The following SLC2A13 variants were observed in gnomAD, a reference collection of about 807,000 sequenced individuals.
The protein encoded by SLC2A13 is solute carrier family 2 member 13, also known as proton myo-inositol cotransporter.
A neutral mutation model predicts 64.4 loss-of-function variants in SLC2A13; 32 were observed. The observed-to-expected ratio is 0.50, with a 90% CI of 0.37 to 0.67. The LOEUF (loss-of-function observed/expected upper bound fraction) is 0.67. Ranked by LOEUF, SLC2A13 falls within the 30% of genes least tolerant of loss-of-function variation. SLC2A13 has a pLI of 0.00. For synonymous variants in SLC2A13, 338 were observed against 327.1 expected (o/e 1.03, Z -0.36); for missense variants, 743 against 829.2 (o/e 0.90, Z 1.28).
At chr12:40,093,758 G>T (rs2136299655) in intron 1 of SLC2A13, among the ~76,000 whole-genome samples, 1 of 152,120 alleles carries the variant, frequency 6.6e-6, no homozygotes, top group South Asian at 2.1e-4. Context: ...CTAGAGGCGG[G>T]GTCAGCTGGA....
chr12:39,846,197 A>G (rs544414152), intron 6 of SLC2A13, among the ~76,000 whole-genome samples: 1 of 152,266 alleles, frequency 6.6e-6, no homozygotes, highest in South Asian at 2.1e-4. Flanking sequence ...AGAAAAACCA[A>G]GGTGGTGAAT....
At chr12:39,766,312 A>G (rs1474153341) in intron 7 of SLC2A13, among the ~76,000 whole-genome samples, 1 of 152,132 alleles carries the variant, frequency 6.6e-6, no homozygotes. Context: ...TTGGTTTCCC[A>G]CTACATATAA....
intron 7 of SLC2A13, among the ~76,000 whole-genome samples, chr12:39,779,064 G>T (rs1192661882): frequency 2.0e-5 from 3 of 152,200 alleles, no homozygotes; most frequent in African/African-American, 7.2e-5. Flanking sequence ...CCCCCAGGAA[G>T]AGTCATCCCT....
chr12:39,926,041 T>G (rs71449744), intron 4 of SLC2A13, among the ~76,000 whole-genome samples: 16,123 of 152,178 alleles, frequency 0.11, 928 homozygotes, highest in Non-Finnish European at 0.14. Flanking sequence ...GGGCACGAAT[T>G]TGGTAAGCTT....
chr12:40,105,347 G>A lies in SLC2A13; in HGVS notation c.462C>T (p.Ala154=). 6.3e-7 allele frequency: 1 copy of A among 1,593,032 alleles called. No homozygotes were observed. The highest frequency in any genetic ancestry group is 8.5e-7 in the Non-Finnish European group (1 of 1,171,102). ...CGGAGCCGGCGGTGAAGAGGGCACTGGCCAGGAGGATGGCAGCGCGGCGGC... is the reference window on the plus strand; with the variant it reads ...CGGAGCCGGCGGTGAAGAGGGCACTAGCCAGGAGGATGGCAGCGCGGCGGC... ...VFGRRAAILL[A]SALFTAGSAV... Residue 154 remains alanine (A), a synonymous_variant, in exon 1 of 10, where the codon GCC becomes GCT. Coordinates refer to ENST00000280871, the MANE Select transcript of SLC2A13 (RefSeq NM_052885.4). This position sits in a 1 kb window ranked among gnomAD's most constrained non-coding sequence, Gnocchi z 4.2.
At chr12:40,022,699 G>A (rs181124809) in intron 3 of SLC2A13, among the ~76,000 whole-genome samples, 51 of 152,254 alleles carry the variant, frequency 3.3e-4, no homozygotes, top group African/African-American at 1.2e-3. Flanking sequence ...TTAGCTGGGC[G>A]TAGTGGTGCA....
intron 7 of SLC2A13, among the ~76,000 whole-genome samples, chr12:39,818,769 C>A (rs1398538645): frequency 2.0e-5 from 3 of 151,778 alleles, no homozygotes; most frequent in Non-Finnish European, 4.4e-5. Context: ...TTTCATATAC[C>A]AATAACAACT....
intron 1 of SLC2A13, among the ~76,000 whole-genome samples, chr12:40,064,739 C>T (rs1029170227): frequency 4.6e-5 from 7 of 152,056 alleles, no homozygotes; most frequent in African/African-American, 1.7e-4. Flanking sequence ...AAGGCTATCA[C>T]AAAAGACTAA....
intron 4 of SLC2A13, among the ~76,000 whole-genome samples, chr12:39,911,238 ATATT>A (rs1565538158): frequency 6.6e-6 from 1 of 152,106 alleles, no homozygotes; most frequent in Non-Finnish European, 1.5e-5. Flanking sequence ...GAACACGACT[ATATT>A]TATCTTAAAA....
chr12:39,813,096 C>T (rs567089578), intron 7 of SLC2A13, among the ~76,000 whole-genome samples: 96 of 143,284 alleles, frequency 6.7e-4, no homozygotes, highest in African/African-American at 2.1e-3. Flanking sequence ...CCACCTACCT[C>T]GGCCTCCCAA....
chr12:40,100,943 C>G (rs546081252), intron 1 of SLC2A13, among the ~76,000 whole-genome samples: 110 of 104,890 alleles, frequency 1.0e-3, no homozygotes, highest in Non-Finnish European at 1.4e-3. Flanking sequence ...CCAGCCTGGG[C>G]GACAAGAGTG....
intron 1 of SLC2A13, among the ~76,000 whole-genome samples, chr12:40,091,481 C>A (rs193057076): frequency 6.6e-6 from 1 of 152,140 alleles, no homozygotes; most frequent in Non-Finnish European, 1.5e-5. Flanking sequence ...ATTATAAAAG[C>A]CTGTACTTCA....
chr12:39,929,855 G>T (rs942310889), intron 4 of SLC2A13, among the ~76,000 whole-genome samples: 2 of 152,192 alleles, frequency 1.3e-5, no homozygotes, highest in African/African-American at 4.8e-5. Context: ...CTTGGGCTGG[G>T]TGTGGTGGCT....
intron 4 of SLC2A13, among the ~76,000 whole-genome samples, chr12:39,896,404 A>G (rs1287028628): frequency 7.1e-6 from 1 of 141,572 alleles, no homozygotes; most frequent in African/African-American, 2.7e-5. Flanking sequence ...ATATATGTAT[A>G]CATATATGTA....
chr12:40,042,959 G>GAAAAAAAAAAA (rs58322891), intron 2 of SLC2A13, among the ~76,000 whole-genome samples: 1 of 111,462 alleles, frequency 9.0e-6, no homozygotes, highest in Non-Finnish European at 1.8e-5. Context: ...GCATAAGAAT[G>GAAAAAAAAAAA]AAAAAAAAAA....
intron 3 of SLC2A13, among the ~76,000 whole-genome samples, chr12:39,996,808 CT>C (rs1462000892): frequency 6.6e-6 from 1 of 152,192 alleles, no homozygotes; most frequent in African/African-American, 2.4e-5. Context: ...AATTAAAATA[CT>C]TAGGAATATA....
At chr12:40,053,026 TAA>T (rs1948283969) in intron 1 of SLC2A13, among the ~76,000 whole-genome samples, 1 of 152,150 alleles carries the variant, frequency 6.6e-6, no homozygotes, top group African/African-American at 2.4e-5. Context: ...TTCATGCCTA[TAA>T]TCCCAGCACT....
intron 3 of SLC2A13, among the ~76,000 whole-genome samples, chr12:39,980,712 C>A (rs1036136613): frequency 9.2e-4 from 140 of 152,092 alleles, no homozygotes; most frequent in African/African-American, 3.3e-3. Context: ...TAGACTCCCA[C>A]ACAATAATAA....
intron 3 of SLC2A13, among the ~76,000 whole-genome samples, chr12:39,993,136 A>G (rs1056286390): frequency 1.3e-5 from 2 of 152,354 alleles, no homozygotes; most frequent in Admixed American, 1.3e-4. Flanking sequence ...ATAATATTGT[A>G]ATAAAGATTT....
Sources: gnomAD v4.1 joint callset for allele counts (sites outside exome capture counted in the v4.1 genomes callset) on GRCh38, gnomAD v4.1.1 for gene constraint, Gnocchi (gnomAD v3.1) non-coding constraint, MANE v1.5 for transcripts, NCBI Gene and HGNC (gene_info 2026-07-23, HGNC 2026-07-21) for gene names.